ME2: variants seen among roughly 807,000 people sequenced by gnomAD.
The protein encoded by ME2 is malic enzyme 2.
In ME2, 60 loss-of-function variants were observed where a neutral mutation model predicts 73.7. The ratio of observed to expected loss-of-function variants is 0.81; its 90% CI spans 0.66 to 1.01. The LOEUF is 1.01. Ranked by LOEUF, ME2 falls within the 50% of genes least tolerant of loss-of-function variation. The probability of loss-of-function intolerance (pLI) is 0.00; values close to 1 mark genes in which losing one functional copy is unlikely to be tolerated. For synonymous variants in ME2, 199 were observed against 236.9 expected, an observed-to-expected ratio of 0.84 and a Z score of 1.47; for missense variants, 594 against 705.5, an observed-to-expected ratio of 0.84 and a Z score of 1.79.
chr18:50,882,746 C>T (rs533958065), intron 1 of ME2, among the ~76,000 whole-genome samples: 3 of 152,014 alleles, frequency 2.0e-5, no homozygotes, highest in African/African-American at 7.3e-5. Flanking sequence ...GTCAGGAGTT[C>T]GAGACCAGCC....
At chr18:50,923,124 A>G (rs899140881) in intron 10 of ME2, among the ~76,000 whole-genome samples, 1 of 152,150 alleles carries the variant, frequency 6.6e-6, no homozygotes, top group South Asian at 2.1e-4. Flanking sequence ...TGGAAAGGAA[A>G]GCATGTTTCT....
chr18:50,896,995 T>G (rs1916762115), intron 2 of ME2, among the ~76,000 whole-genome samples: 1 of 152,236 alleles, frequency 6.6e-6, no homozygotes, highest in African/African-American at 2.4e-5. Context: ...ATGCACCTCA[T>G]TTCAAATCCA....
At chr18:50,880,105 T>C (rs1217898259) in intron 1 of ME2, among the ~76,000 whole-genome samples, 1 of 152,210 alleles carries the variant, frequency 6.6e-6, no homozygotes, top group Non-Finnish European at 1.5e-5. Flanking sequence ...AGCATTGCTA[T>C]TTCTGTTAGT....
At chr18:50,916,893 TC>T (rs1347295634) in intron 5 of ME2, 3 of 152,826 alleles carry the variant, frequency 2.0e-5, no homozygotes, top group African/African-American at 4.8e-5. Context: ...CTTAAGACCT[TC>T]CTTATAAGTA....
chr18:50,949,626 T>C lies in ME2; in HGVS notation c.*2442T>C, dbSNP rs1260232846. 6.6e-6 allele frequency: 1 copy of C among 152,230 alleles called. No homozygotes were observed. Among genetic ancestry groups the C allele is most frequent in the Admixed American group, 6.5e-5 (1 of 15,280 alleles). The allele number at this position is 152,230 out of a possible 1,614,324, so 9.4% of individuals were successfully genotyped here. A position where few individuals can be genotyped will look rare whatever the true frequency, so the allele number is the denominator to read the frequency against. On this transcript the variant is annotated 3_prime_UTR_variant, in exon 16 of 16. Transcript: ENST00000321341. The stretch of plus-strand genomic sequence containing the variant: ...AAATATAAACCTGTTTCTTGCTTAG[T>C]GTTTATTGAAGGCAGGAACGTATGC...
Position 50,920,895 on chromosome 18 carries a change from C to G in ME2, c.942+137C>G, listed in dbSNP as rs553262532. ...GGTAGAGGATATGAAATCAAGAGTT[C>G]TGCTGTAAAACATGTAATTTAAAAT... is the stretch of plus-strand genomic sequence containing the variant. On this transcript the variant is annotated intron_variant, in intron 9 of 15. Transcript: ENST00000321341. 1.6e-4 allele frequency: 116 copies of G among 742,742 alleles called. 1 individual carries two copies. The South Asian group carries it at 2.1e-3, about 13-fold the overall frequency. 46.0% of individuals were successfully genotyped at this position (742,742 alleles called of 1,614,324 possible).
Position 50,949,672 on chromosome 18 carries a change from A to G in ME2, c.*2488A>G, listed in dbSNP as rs1918176519. ...TATGCTGAATTAAAGTAATTTTACT[A>G]CGAAGTTTGCTTATTAAGTATGCCT... is the stretch of plus-strand genomic sequence containing the variant. On this transcript the variant is annotated 3_prime_UTR_variant, in exon 16 of 16. Transcript: ENST00000321341. The G allele has an allele frequency of 6.6e-6, 1 of 152,260 alleles. No individual in the cohort carries two copies. The highest frequency in any genetic ancestry group is 1.5e-5 in the Non-Finnish European group (1 of 68,036). The allele number at this position is 152,260 out of a possible 1,614,324, so 9.4% of individuals were successfully genotyped here.
At chr18:50,944,486 C>T (rs1030789917) in intron 15 of ME2, among the ~76,000 whole-genome samples, 12 of 152,140 alleles carry the variant, frequency 7.9e-5, no homozygotes, top group Non-Finnish European at 1.2e-4. Context: ...CCCTTTGGCT[C>T]TATGAGCAGG....
At chr18:50,901,478 A>C (rs1186971855) in intron 2 of ME2, among the ~76,000 whole-genome samples, 1 of 152,230 alleles carries the variant, frequency 6.6e-6, no homozygotes, top group Non-Finnish European at 1.5e-5. Flanking sequence ...ATTTGGTTGA[A>C]TCAGAGAGAT....
In ME2 at chr18:50,917,399, T is replaced by G. The variant is rs1917309661; in HGVS notation, c.521T>G (p.Val174Gly). Residue 174 changes from valine (V) to glycine (G), a missense_variant, in exon 6 of 16, where the codon GTC becomes GGC. By Grantham distance (109) the Val-to-Gly change is moderately radical. Coordinates refer to ENST00000321341, the MANE Select transcript of ME2 (RefSeq NM_002396.5). ...ATTCTGGGTCTTGGAGATCTGGGTG[T>G]CTATGGAATGGGAATTCCAGTAGGA... Reference protein sequence around the residue: ...ERILGLGDLGVYGMGIPVGKL... With the variant: ...ERILGLGDLGGYGMGIPVGKL... The G allele has an allele frequency of 3.1e-6, 5 of 1,613,548 alleles. No homozygotes were observed. The East Asian group carries it at 1.1e-4, about 36-fold the overall frequency.
chr18:50,904,810 T>C (rs946030418), intron 2 of ME2, among the ~76,000 whole-genome samples: 12 of 66,750 alleles, frequency 1.8e-4, no homozygotes, highest in African/African-American at 7.4e-4. Flanking sequence ...AGATCTCTTT[T>C]GAGTTTATAA....
rs944792590 is a variant in ME2, at chr18:50,947,459, A to G, written c.*275A>G. On this transcript the variant is annotated 3_prime_UTR_variant, in exon 16 of 16. Transcript: ENST00000321341. Reference sequence around the variant, plus strand: ...GGAGATGTAAAAAGTGTGTTTGTGAATGTCTTCACTTGTACTCTAATTCAG... The same window carrying G: ...GGAGATGTAAAAAGTGTGTTTGTGAGTGTCTTCACTTGTACTCTAATTCAG... The G allele has an allele frequency of 2.0e-5, 7 of 352,358 alleles. No individual in the cohort carries two copies. The highest frequency in any genetic ancestry group is 1.8e-4 in the Admixed American group (4 of 22,830). The allele number at this position is 352,358 out of a possible 1,614,324, so 21.8% of individuals were successfully genotyped here. A position where few individuals can be genotyped will look rare whatever the true frequency, so the allele number is the denominator to read the frequency against.
Position 50,949,808 on chromosome 18 carries a change from C to T in ME2, c.*2624C>T, listed in dbSNP as rs1015592535. The T allele has an allele frequency of 3.3e-5, 5 of 152,098 alleles. No individual in the cohort carries two copies. The highest frequency in any genetic ancestry group is 1.2e-4 in the African/African-American group (5 of 41,416). The allele number at this position is 152,098 out of a possible 1,614,324, so 9.4% of individuals were successfully genotyped here. On this transcript the variant is annotated 3_prime_UTR_variant, in exon 16 of 16. Transcript: ENST00000321341. The stretch of plus-strand genomic sequence containing the variant: ...ATTTTTTTAAAAAGCTCCCAATTGT[C>T]ATTGTTATTTACCAGTCAATCTTTC...
chr18:50,934,130 C>T (rs1262228628), intron 13 of ME2: 3 of 152,074 alleles, frequency 2.0e-5, no homozygotes, highest in African/African-American at 4.8e-5. Context: ...AATAGTGCTG[C>T]AGTGAACATA....
At chr18:50,925,264 A>T (rs1435993182) in intron 11 of ME2, among the ~76,000 whole-genome samples, 3 of 152,142 alleles carry the variant, frequency 2.0e-5, no homozygotes, top group Non-Finnish European at 4.4e-5. Context: ...GGATCACCTG[A>T]GGTCAGGAGT....
chr18:50,916,992 G>C lies in ME2; in HGVS notation c.469-355G>C, dbSNP rs9304406. On this transcript the variant is annotated intron_variant, in intron 5 of 15. Coordinates refer to ENST00000321341, the MANE Select transcript of ME2 (RefSeq NM_002396.5). ...CTAGGTTATTGTGTTGGAGTACCATGCTGTTTATTTCTAAACTCTTATTTT... is the reference window on the plus strand; with the variant it reads ...CTAGGTTATTGTGTTGGAGTACCATCCTGTTTATTTCTAAACTCTTATTTT... The C allele has an allele frequency of 3.4e-3, 551 of 162,604 alleles. 6 individuals carry two copies. Among genetic ancestry groups the C allele is most frequent in the African/African-American group, 9.8e-3 (408 of 41,772 alleles). 10.1% of individuals were successfully genotyped at this position (162,604 alleles called of 1,614,324 possible).
At chr18:50,919,904 C>G (rs554572649) in intron 7 of ME2, among the ~76,000 whole-genome samples, 45 of 152,030 alleles carry the variant, frequency 3.0e-4, no homozygotes, top group African/African-American at 8.2e-4. Context: ...TATAGCCAGA[C>G]TGTTGAAAAT....
At chr18:50,946,936 T>A in intron 15 of ME2, 81 bp from the exon 16 acceptor site, 1 of 997,060 alleles carries the variant, frequency 1.0e-6, no homozygotes, top group African/African-American at 1.6e-5. Context: ...TCTAAACTTA[T>A]TTTCCTGTGT....
chr18:50,886,167 TA>T (rs137914150), intron 1 of ME2, among the ~76,000 whole-genome samples: 1 of 148,952 alleles, frequency 6.7e-6, no homozygotes, highest in African/African-American at 2.5e-5. Flanking sequence ...ATTTAAAATT[TA>T]AAAAAAAAGG....
Sources: gnomAD v4.1 joint callset for allele counts (sites outside exome capture counted in the v4.1 genomes callset) on GRCh38, gnomAD v4.1.1 for gene constraint, MANE v1.5 for transcripts, NCBI Gene and HGNC (gene_info 2026-07-23, HGNC 2026-07-21) for gene names.